Variants in CELF2 observed in about 807,000 individuals in gnomAD.
CELF2 encodes the protein CUG triplet repeat RNA-binding protein 2.
A neutral mutation model predicts 62.6 loss-of-function variants in CELF2; 8 were observed. The ratio of observed to expected loss-of-function variants is 0.13; its 90% CI spans 0.07 to 0.23. CELF2 has a LOEUF of 0.23. CELF2 is among the 10% of genes least tolerant of loss of function. The pLI is 1.00. For synonymous variants in CELF2, 258 were observed against 250.0 expected (o/e 1.03, Z -0.30); for missense variants, 333 against 671.0 (o/e 0.50, Z 5.56).
chr10:11,331,459 T>A lies in CELF2; in HGVS notation c.*2406T>A, dbSNP rs200456773. On this transcript the variant is annotated 3_prime_UTR_variant, in exon 13 of 13. Transcript: ENST00000633077. ...GTTTGTGTTCAGCAAAATGTGATGT[T>A]TTTTTCTTTTAAAGAAAAAAAGTGA... 1 of 118,780 alleles carries A rather than the reference T, an allele frequency of 8.4e-6. No homozygotes were observed. The highest frequency in any genetic ancestry group is 1.8e-5 in the Non-Finnish European group (1 of 55,138). 7.4% of individuals were successfully genotyped at this position (118,780 alleles called of 1,614,324 possible). A position where few individuals can be genotyped will look rare whatever the true frequency, so the allele number is the denominator to read the frequency against.
At chr10:10,655,841 G>A in the CELF2 span, among the ~76,000 whole-genome samples, 1 of 137,966 alleles carries the variant, frequency 7.2e-6, no homozygotes, top group South Asian at 3.0e-4. Context: ...AACACCAAAA[G>A]CAATGGCAAC....
intron 1 of CELF2, among the ~76,000 whole-genome samples, chr10:11,107,851 C>CCCCCTCCCTTCT (rs2053929558): frequency 2.7e-5 from 3 of 112,254 alleles, no homozygotes; most frequent in African/African-American, 1.1e-4. Context: ...CCCTATTTCT[C>CCCCCTCCCTTCT]CCCATCCCTT....
chr10:10,527,813 A>G, the CELF2 span, among the ~76,000 whole-genome samples: 1 of 152,250 alleles, frequency 6.6e-6, no homozygotes, highest in African/African-American at 2.4e-5. Flanking sequence ...CACAGGGCCA[A>G]GCTTTAGTGA....
the CELF2 span, among the ~76,000 whole-genome samples, chr10:10,591,086 C>T: frequency 2.0e-5 from 3 of 151,988 alleles, no homozygotes; most frequent in Non-Finnish European, 4.4e-5. Flanking sequence ...ATTGAGTGAC[C>T]ATAAACTGAT....
intron 3 of CELF2, among the ~76,000 whole-genome samples, chr10:11,234,131 A>G (rs1026659266): frequency 1.3e-5 from 2 of 152,048 alleles, no homozygotes; most frequent in Non-Finnish European, 2.9e-5. Context: ...TTATCCTGGG[A>G]AGGTAGAGGT....
At chr10:10,601,189 C>T in the CELF2 span, among the ~76,000 whole-genome samples, 1 of 152,170 alleles carries the variant, frequency 6.6e-6, no homozygotes, top group Non-Finnish European at 1.5e-5. Flanking sequence ...GTTTTAATTT[C>T]CCTGCAATAA....
chr10:10,657,467 G>A, the CELF2 span, among the ~76,000 whole-genome samples: 1 of 152,112 alleles, frequency 6.6e-6, no homozygotes, highest in African/African-American at 2.4e-5. Flanking sequence ...TACTTTAAAT[G>A]CGTGAGTTAT....
chr10:11,054,462 A>C (rs1165831976), intron 1 of CELF2, among the ~76,000 whole-genome samples: 1 of 149,698 alleles, frequency 6.7e-6, no homozygotes, highest in Non-Finnish European at 1.5e-5. Flanking sequence ...TAATTTTTTA[A>C]AGAAGAAAAC....
the CELF2 span, among the ~76,000 whole-genome samples, chr10:10,495,182 G>A: frequency 1.3e-5 from 2 of 152,320 alleles, no homozygotes; most frequent in Non-Finnish European, 2.9e-5. Context: ...TCGGGAGGCT[G>A]AGGCAGGAGA....
chr10:10,657,306 T>A, the CELF2 span, among the ~76,000 whole-genome samples: 8 of 152,148 alleles, frequency 5.3e-5, no homozygotes, highest in Non-Finnish European at 1.2e-4. Flanking sequence ...TGTTTTCTTT[T>A]TGGGAGTAAT....
chr10:11,101,884 G>A lies in CELF2; in HGVS notation c.75-63602G>A, dbSNP rs374802326. Among the ~76,000 whole-genome samples the A allele has an allele frequency of 1.8e-3, 275 of 152,294 alleles. 1 individual carries two copies. The highest frequency in any genetic ancestry group is 6.1e-3 in the African/African-American group (253 of 41,562). Reference sequence around the variant, plus strand: ...TTGTTGACAATTTCAATAATGACAGGAAAATATCATTATTGTTGAGGTATC... The same window carrying A: ...TTGTTGACAATTTCAATAATGACAGAAAAATATCATTATTGTTGAGGTATC... On this transcript the variant is annotated intron_variant, in intron 1 of 12. Coordinates refer to ENST00000633077, the MANE Select transcript of CELF2 (RefSeq NM_001326342.2).
At position 11,220,520 on chromosome 10, in the gene CELF2, G is replaced by A. The variant is rs752104441; in HGVS notation, c.354+3013G>A. The stretch of plus-strand genomic sequence containing the variant: ...ACCCTTTACATGGGGCTGGAGAAAC[G>A]ACTCCCAGATTGAGGTGACAGATCA... On this transcript the variant is annotated intron_variant, in intron 3 of 12. Coordinates refer to ENST00000633077, the MANE Select transcript of CELF2 (RefSeq NM_001326342.2). The surrounding 1 kb of genome is among the most constrained non-coding windows in gnomAD (Gnocchi z 4.4). 6.6e-6 allele frequency among the ~76,000 whole-genome samples: 1 copy of A among 152,174 alleles called. No homozygotes were observed.
intron 2 of CELF2, among the ~76,000 whole-genome samples, chr10:10,961,768 AAAAG>A (rs1229438371): frequency 6.6e-6 from 1 of 151,832 alleles, no homozygotes; most frequent in African/African-American, 2.4e-5. Context: ...AAGAAAAAAA[AAAAG>A]AAAAGAAAGT....
chr10:10,717,121 C>T, the CELF2 span, among the ~76,000 whole-genome samples: 1 of 152,150 alleles, frequency 6.6e-6, no homozygotes, highest in Non-Finnish European at 1.5e-5. Context: ...ATACCTGTTA[C>T]AGGACTTTTC....
the CELF2 span, among the ~76,000 whole-genome samples, chr10:10,678,365 T>C: frequency 6.6e-6 from 1 of 152,170 alleles, no homozygotes; most frequent in Non-Finnish European, 1.5e-5. Flanking sequence ...TAGTAAGCAC[T>C]GGTGACTGCT....
chr10:10,491,107 C>T, the CELF2 span, among the ~76,000 whole-genome samples: 4 of 152,186 alleles, frequency 2.6e-5, no homozygotes, highest in Admixed American at 6.5e-5. Context: ...GATTCCTCCT[C>T]CTCTGAACCA....
At position 11,309,143 on chromosome 10, in the gene CELF2, T is replaced by C. The variant is rs1164994297; in HGVS notation, c.977-4996T>C. On this transcript the variant is annotated intron_variant, in intron 9 of 12. Coordinates refer to ENST00000633077, the MANE Select transcript of CELF2 (RefSeq NM_001326342.2). This position sits in a 1 kb window ranked among gnomAD's most constrained non-coding sequence, Gnocchi z 5.6. The stretch of plus-strand genomic sequence containing the variant: ...GGGCCCTCTTACGCACAGTTTCTGT[T>C]GTCTGCTGTCTGCTTTTTCCTGTGT... Among the ~76,000 whole-genome samples the C allele has an allele frequency of 6.6e-6, 1 of 152,238 alleles. No individual in the cohort carries two copies. Among genetic ancestry groups the C allele is most frequent in the Non-Finnish European group, 1.5e-5 (1 of 68,046 alleles).
At chr10:10,526,892 A>C in the CELF2 span, among the ~76,000 whole-genome samples, 1 of 152,358 alleles carries the variant, frequency 6.6e-6, no homozygotes, top group Non-Finnish European at 1.5e-5. Flanking sequence ...TGGACACCTA[A>C]GCAAAGAAGG....
Position 11,321,535 on chromosome 10 carries a change from T to A in CELF2, c.1294+149T>A. On this transcript the variant is annotated intron_variant, in intron 11 of 12. Coordinates refer to ENST00000633077, the MANE Select transcript of CELF2 (RefSeq NM_001326342.2). The surrounding 1 kb of genome is among the most constrained non-coding windows in gnomAD (Gnocchi z 6.2). Reference sequence around the variant, plus strand: ...ATTCATGTTTAAAAAAAAAAAAAACTGAAAGCTGGGCATGGTGGCATACAC... The same window carrying A: ...ATTCATGTTTAAAAAAAAAAAAAACAGAAAGCTGGGCATGGTGGCATACAC... 9.1e-6 allele frequency: 6 copies of A among 660,552 alleles called. No individual in the cohort carries two copies. The highest frequency in any genetic ancestry group is 1.5e-5 in the Non-Finnish European group (6 of 402,958). The allele number at this position is 660,552 out of a possible 1,614,324, so 40.9% of individuals were successfully genotyped here.
Sources: allele counts gnomAD v4.1 joint callset (sites outside exome capture counted in the v4.1 genomes callset), GRCh38; gene constraint gnomAD v4.1.1; non-coding constraint Gnocchi (gnomAD v3.1); transcripts MANE v1.5; gene names NCBI Gene and HGNC (gene_info 2026-07-23, HGNC 2026-07-21).